Variants in ATP12A observed in about 807,000 individuals in gnomAD.
ATP12A encodes ATPase H+/K+ transporting non-gastric alpha2 subunit.
ATP12A carries 81 observed loss-of-function variants against 111.2 expected under a neutral mutation model. The ratio of observed to expected loss-of-function variants is 0.73; its 90% confidence interval spans 0.61 to 0.88. ATP12A has a LOEUF of 0.88. Ranked by LOEUF, ATP12A falls within the 40% of genes least tolerant of loss-of-function variation. ATP12A has a pLI of 0.00. For missense variants in ATP12A, 1,196 were observed against 1,313.1 expected, an observed-to-expected ratio of 0.91 and a Z score of 1.38; for synonymous variants, 498 against 499.8, an observed-to-expected ratio of 1.00 and a Z score of 0.05.
chr13:24,694,339 A>AGCT, intron 10 of ATP12A, 105 bp from the exon 11 acceptor site: 1 of 1,407,250 alleles, frequency 7.1e-7, no homozygotes, highest in Non-Finnish European at 9.7e-7. Context: ...ATGTCTCTCC[A>AGCT]GCTAGGTGGT....
chr13:24,681,431 C>T, intron 1 of ATP12A, 131 bp from the exon 2 acceptor site: 1 of 1,132,368 alleles, frequency 8.8e-7, no homozygotes, highest in Non-Finnish European at 1.2e-6. Flanking sequence ...TCCCTCCGGC[C>T]TCCCCAGAGG....
At chr13:24,706,276 C>T in intron 14 of ATP12A, 37 bp from the exon 15 acceptor site, 1 of 1,606,968 alleles carries the variant, frequency 6.2e-7, no homozygotes, top group South Asian at 1.1e-5. Flanking sequence ...CTAAGATCTG[C>T]CCTTGGGCCT....
chr13:24,682,508 G>T (rs1874518856), intron 2 of ATP12A, among the ~76,000 whole-genome samples: 1 of 151,984 alleles, frequency 6.6e-6, no homozygotes, highest in African/African-American at 2.4e-5. Context: ...AACTCAGAAG[G>T]AAGAGCCTCT....
In ATP12A at chr13:24,694,589, C is replaced by T. The variant is rs1442847577; in HGVS notation, c.1512+11C>T. ...ACTAATAAATTTCAGGTGAGTTTTTCCTCACAACCGGTAATCTCTGTCATC... is the reference window on the plus strand; with the variant it reads ...ACTAATAAATTTCAGGTGAGTTTTTTCTCACAACCGGTAATCTCTGTCATC... On this transcript the variant is annotated intron_variant, in intron 11 of 22. Transcript: ENST00000381946. 1 of 1,612,260 alleles carries T rather than the reference C, an allele frequency of 6.2e-7. No individual in the cohort carries two copies. Among genetic ancestry groups the T allele is most frequent in the Non-Finnish European group, 8.5e-7 (1 of 1,179,982 alleles).
At position 24,691,299 on chromosome 13, in the gene ATP12A, A is replaced by G. The variant is rs552347299; in HGVS notation, c.1068+49A>G. 50 of 1,563,094 alleles carry G rather than the reference A, an allele frequency of 3.2e-5. No individual in the cohort carries two copies. The African/African-American group carries it at 6.6e-4, about 21-fold the overall frequency. On this transcript the variant is annotated intron_variant, in intron 8 of 22. Coordinates refer to ENST00000381946, the MANE Select transcript of ATP12A (RefSeq NM_001676.7). ...CTGCACCTGGCCCTGTGGACACAGC[A>G]CTGGTGCTGGGGAGGCGCCCACACA...
At chr13:24,706,706 C>T (rs1373062312) in intron 15 of ATP12A, among the ~76,000 whole-genome samples, 2 of 152,012 alleles carry the variant, frequency 1.3e-5, no homozygotes, top group Non-Finnish European at 2.9e-5. Context: ...CATGAGAGCC[C>T]GGTGAAGCAT....
In ATP12A at chr13:24,695,045, G is replaced by A. The variant is rs10219963; in HGVS notation, c.1512+467G>A. 6.6e-5 allele frequency among the ~76,000 whole-genome samples: 10 copies of A among 152,152 alleles called. No homozygotes were observed. In the East Asian group the frequency reaches 7.7e-4, roughly 12 times the overall value. The stretch of plus-strand genomic sequence containing the variant: ...GTGGCCTTGTTCCATGTTCGCATCC[G>A]GCCTGTGAGGTAGGACTGACGAATC... On this transcript the variant is annotated intron_variant, in intron 11 of 22. Transcript: ENST00000381946.
At chr13:24,695,451 A>G (rs570010154) in intron 11 of ATP12A, among the ~76,000 whole-genome samples, 1 of 152,186 alleles carries the variant, frequency 6.6e-6, no homozygotes, top group East Asian at 1.9e-4. Flanking sequence ...TGCAGATGGG[A>G]TTTTCCACAG....
In ATP12A at chr13:24,690,238, G is replaced by C. The variant is rs566674270; in HGVS notation, c.547-100G>C. The C allele has an allele frequency of 9.1e-4, 1,400 of 1,531,398 alleles. 1 individual carries two copies. The highest frequency in any genetic ancestry group is 1.2e-3 in the Non-Finnish European group (1,345 of 1,137,848). The allele number at this position is 1,531,398 out of a possible 1,614,324, so 94.9% of individuals were successfully genotyped here. ...ACTCAACAGTGAGAGTGATCAGGAA[G>C]TTCCAAGGCCTCTGTCCTGGGGTTC... is the stretch of plus-strand genomic sequence containing the variant. On this transcript the variant is annotated intron_variant, in intron 5 of 22. Coordinates refer to ENST00000381946, the MANE Select transcript of ATP12A (RefSeq NM_001676.7).
chr13:24,680,990 C>T (rs2137682888), intron 1 of ATP12A, among the ~76,000 whole-genome samples: 1 of 152,298 alleles, frequency 6.6e-6, no homozygotes, highest in East Asian at 1.9e-4. Flanking sequence ...TCCAGAGGAG[C>T]GAGAAGGGGC....
Position 24,711,809 on chromosome 13 carries a change from A to C in ATP12A, c.*287A>C. ...AAGAATGTGTTTATGTGTATTTGAA[A>C]CTCCTTGATGTTAATAGTCTTGTGT... On this transcript the variant is annotated 3_prime_UTR_variant, in exon 23 of 23. Coordinates refer to ENST00000381946, the MANE Select transcript of ATP12A (RefSeq NM_001676.7). The C allele has an allele frequency of 4.2e-6, 2 of 479,592 alleles. No homozygotes were observed. The highest frequency in any genetic ancestry group is 7.5e-6 in the Non-Finnish European group (2 of 264,972). 29.7% of individuals were successfully genotyped at this position (479,592 alleles called of 1,614,324 possible).
At chr13:24,682,809 G>A (rs1231557970) in intron 2 of ATP12A, among the ~76,000 whole-genome samples, 3 of 152,124 alleles carry the variant, frequency 2.0e-5, no homozygotes, top group African/African-American at 7.2e-5. Flanking sequence ...CCTCACTGAA[G>A]GTCCATTTCC....
chr13:24,705,418 C>G (rs1488416241), intron 14 of ATP12A, among the ~76,000 whole-genome samples: 2 of 152,150 alleles, frequency 1.3e-5, no homozygotes, highest in Non-Finnish European at 1.5e-5. Flanking sequence ...GGTGGAAAGC[C>G]CCTGAAGAGT....
Position 24,688,182 on chromosome 13 carries a change from C to CT in ATP12A, c.229-133dup, listed in dbSNP as rs1874736017. ...AGCTGGAGAAGTGAGGCACGGTCTG[C>CT]TTTTCTCGGGACCTTCTTTGGCCAC... On this transcript the variant is annotated intron_variant, in intron 3 of 22. Transcript: ENST00000381946. 2.0e-5 allele frequency: 19 copies of CT among 936,214 alleles called. No homozygotes were observed. In the South Asian group the frequency reaches 2.6e-4, roughly 13 times the overall value. The allele number at this position is 936,214 out of a possible 1,614,324, so 58.0% of individuals were successfully genotyped here. A position where few individuals can be genotyped will look rare whatever the true frequency, so the allele number is the denominator to read the frequency against.
intron 13 of ATP12A, 146 bp downstream of exon 13, chr13:24,701,068 G>A (rs1875373613): frequency 3.0e-6 from 3 of 1,004,492 alleles, no homozygotes; most frequent in African/African-American, 1.6e-5. Flanking sequence ...ACTGTGCTAA[G>A]GTTACTGAAA....
chr13:24,681,544 C>A lies in ATP12A; in HGVS notation c.10-18C>A, dbSNP rs909515925. 1.6e-5 allele frequency: 26 copies of A among 1,608,116 alleles called. No homozygotes were observed. Among genetic ancestry groups the A allele is most frequent in the Non-Finnish European group, 2.2e-5 (26 of 1,178,296 alleles). The stretch of plus-strand genomic sequence containing the variant: ...AACCCCATTTGGGGCCAATATTGCA[C>A]CTGGGCTTCTCTTTCAGAAAACCCC... On this transcript the variant is annotated intron_variant, in intron 1 of 22. Transcript: ENST00000381946.
intron 3 of ATP12A, among the ~76,000 whole-genome samples, chr13:24,686,589 A>C (rs1397961700): frequency 6.6e-6 from 1 of 151,874 alleles, no homozygotes; most frequent in African/African-American, 2.4e-5. Flanking sequence ...AAATACAAAA[A>C]TTAGTCGGGC....
chr13:24,689,849 T>C (rs1874805196), intron 5 of ATP12A, among the ~76,000 whole-genome samples: 1 of 152,048 alleles, frequency 6.6e-6, no homozygotes, highest in African/African-American at 2.4e-5. Context: ...AGATTCTGGG[T>C]GGAAAAGACG....
rs774764907 is a variant in ATP12A at position 24,698,782 on chromosome 13, A to G, written c.1637A>G (p.Asp546Gly). Residue 546 changes from aspartate (D) to glycine (G), a missense_variant, in exon 12 of 23, where the codon GAC (aspartate) becomes GGC (glycine). Transcript: ENST00000381946. ...IMINGEEHPL[D>G]KSTAKTFHTA... ...ATCAACGGCGAGGAGCACCCACTGG[A>G]CAAGAGCACTGCCAAGACCTTCCAC... 4 of 1,613,950 alleles carry G rather than the reference A, an allele frequency of 2.5e-6. No individual in the cohort carries two copies. The African/African-American group carries it at 5.3e-5, about 22-fold the overall frequency.
Sources: gnomAD v4.1 joint callset for allele counts (sites outside exome capture counted in the v4.1 genomes callset) on GRCh38, gnomAD v4.1.1 for gene constraint, MANE v1.5 for transcripts, NCBI Gene and HGNC (gene_info 2026-07-23, HGNC 2026-07-21) for gene names.